Variants in SIPA1L3 observed in about 807,000 individuals in gnomAD.
SIPA1L3 encodes signal-induced proliferation-associated 1-like protein 3.
Under a neutral mutation model 150.1 loss-of-function variants are expected in SIPA1L3, and 59 were observed. That is an observed-to-expected ratio of 0.39 (90% CI 0.32 to 0.49). SIPA1L3 has a LOEUF of 0.49. SIPA1L3 is among the 20% of genes least tolerant of loss of function. The pLI, the probability that SIPA1L3 is intolerant of heterozygous loss-of-function variation, is 0.86. For missense variants in SIPA1L3, 2,211 were observed against 2,489.5 expected (o/e 0.89, Z 2.38); for synonymous variants, 1,070 against 1,077.6 (o/e 0.99, Z 0.14).
Position 38,182,587 on chromosome 19 carries a change from C to T in SIPA1L3, c.4277C>T (p.Pro1426Leu). The change falls in exon 16 of 22, where the codon CCC (proline) becomes CTC (leucine). Residue 1426 changes from proline to leucine, a missense_variant. By Grantham distance (98) the Pro-to-Leu change is moderately conservative (BLOSUM62 -3). This residue lies in a region of SIPA1L3 where 806 missense variants were observed against 870.1 expected (regional missense o/e 0.93). Transcript: ENST00000222345. ...ACTGCCAGTGCAGAGACTCCTCGGC[C>T]CTCCCAGCTGGCCCAGCCCAGCCCC... is the stretch of plus-strand genomic sequence containing the variant. ...YKTASAETPR[P>L]SQLAQPSPFQ... The T allele has an allele frequency of 6.8e-6, 11 of 1,614,196 alleles. No individual in the cohort carries two copies. Among genetic ancestry groups the T allele is most frequent in the Non-Finnish European group, 9.3e-6 (11 of 1,180,038 alleles).
At chr19:38,156,686 G>C (rs1204539359) in intron 13 of SIPA1L3, among the ~76,000 whole-genome samples, 2 of 152,160 alleles carry the variant, frequency 1.3e-5, no homozygotes, top group Non-Finnish European at 2.9e-5. Context: ...TTAGCTGGGT[G>C]TGGTGGCATG....
chr19:38,190,181 G>A (rs1315618716), intron 16 of SIPA1L3, among the ~76,000 whole-genome samples: 1 of 152,158 alleles, frequency 6.6e-6, no homozygotes, highest in African/African-American at 2.4e-5. Flanking sequence ...CTCGAGGGGA[G>A]CCTGTGGGCA....
intron 12 of SIPA1L3, among the ~76,000 whole-genome samples, chr19:38,143,128 C>G (rs141455819): frequency 6.6e-6 from 1 of 152,120 alleles, no homozygotes; most frequent in East Asian, 1.9e-4. Flanking sequence ...TCTCCCCAAA[C>G]CCTCCATGGC....
At chr19:37,990,108 G>A (rs1419241685) in intron 1 of SIPA1L3, among the ~76,000 whole-genome samples, 1 of 152,090 alleles carries the variant, frequency 6.6e-6, no homozygotes, top group Non-Finnish European at 1.5e-5. Context: ...AAATTCTGGA[G>A]TGGGGTCAGC....
intron 1 of SIPA1L3, among the ~76,000 whole-genome samples, chr19:38,007,931 A>C (rs1175731032): frequency 6.6e-6 from 1 of 152,036 alleles, no homozygotes; most frequent in Non-Finnish European, 1.5e-5. Flanking sequence ...TTTCTACACC[A>C]TCCTCCTTGG....
chr19:38,087,157 A>G (rs1970151935), intron 3 of SIPA1L3, among the ~76,000 whole-genome samples: 6 of 152,218 alleles, frequency 3.9e-5, no homozygotes, highest in Non-Finnish European at 5.9e-5. Flanking sequence ...TGGCCAAGCA[A>G]AGAATCTTTG....
Position 38,082,096 on chromosome 19 carries a change from C to T in SIPA1L3, c.531C>T (p.Ser177=), listed in dbSNP as rs1386219388. Residue 177 remains serine, a synonymous_variant, in exon 3 of 22, where the codon AGC becomes AGT. Transcript: ENST00000222345. Reference sequence around the variant, plus strand: ...GCAGCAGCAGCGAGATCACCCTCAGCGAGTGTGACGCGGAGGACGCGGGGG... The same window carrying T: ...GCAGCAGCAGCGAGATCACCCTCAGTGAGTGTGACGCGGAGGACGCGGGGG... ...RHRSSSEITL[S]ECDAEDAGEP... 1.9e-6 allele frequency: 3 copies of T among 1,610,388 alleles called. No individual in the cohort carries two copies. The highest frequency in any genetic ancestry group is 3.3e-5 in the Admixed American group (2 of 59,990).
intron 1 of SIPA1L3, 64 bp downstream of exon 1, chr19:37,907,422 G>A (rs1381410608): frequency 6.6e-6 from 1 of 152,244 alleles, no homozygotes; most frequent in Non-Finnish European, 1.5e-5. Context: ...TGGCTGCCCG[G>A]ACCCCGAGGG....
At chr19:38,061,306 C>T (rs995943171) in intron 2 of SIPA1L3, among the ~76,000 whole-genome samples, 5 of 151,070 alleles carry the variant, frequency 3.3e-5, no homozygotes, top group South Asian at 2.1e-4. Context: ...TCAAGTCATC[C>T]GCCTGCCTCG....
intron 1 of SIPA1L3, among the ~76,000 whole-genome samples, chr19:37,976,776 A>C (rs553673422): frequency 6.6e-6 from 1 of 152,282 alleles, no homozygotes; most frequent in South Asian, 2.1e-4. Flanking sequence ...TGTAGTGTAG[A>C]GTATGTGGCT....
intron 4 of SIPA1L3, 134 bp downstream of exon 4, chr19:38,088,985 A>C: frequency 2.2e-6 from 2 of 910,254 alleles, no homozygotes; most frequent in Non-Finnish European, 3.3e-6. Flanking sequence ...CAATCCTGTT[A>C]GTCTCTCCAT....
rs1475874290 is a variant in SIPA1L3 at position 37,952,042 on chromosome 19, G to A, written c.-379+44684G>A. ...GGGATTGGTTCAAGGAAGGGAGGAG[G>A]TGAGTCAGTCCAATCAGAATTAAGA... On this transcript the variant is annotated intron_variant, in intron 1 of 21. Coordinates refer to ENST00000222345, the MANE Select transcript of SIPA1L3 (RefSeq NM_015073.3). Among the ~76,000 whole-genome samples the A allele has an allele frequency of 2.0e-5, 3 of 152,126 alleles. No homozygotes were observed. In the East Asian group the frequency reaches 5.8e-4, roughly 29 times the overall value.
rs1599949891 is a variant in SIPA1L3, at chr19:38,046,370, T to C, written c.-311+17214T>C. Among the ~76,000 whole-genome samples the C allele has an allele frequency of 6.6e-6, 1 of 152,046 alleles. No homozygotes were observed. Among genetic ancestry groups the C allele is most frequent in the African/African-American group, 2.4e-5 (1 of 41,394 alleles). Reference sequence around the variant, plus strand: ...GCCAGCAGCCTGTCCCCCCTCCTCATTTCCCTATTTCTTTTGAGTGGCCAG... The same window carrying C: ...GCCAGCAGCCTGTCCCCCCTCCTCACTTCCCTATTTCTTTTGAGTGGCCAG... On this transcript the variant is annotated intron_variant, in intron 2 of 21. Transcript: ENST00000222345. This position sits in a 1 kb window ranked among gnomAD's most constrained non-coding sequence, Gnocchi z 5.6.
At chr19:37,909,008 A>ACATGCT (rs1227699996) in intron 1 of SIPA1L3, among the ~76,000 whole-genome samples, 1 of 151,982 alleles carries the variant, frequency 6.6e-6, no homozygotes, top group African/African-American at 2.4e-5. Flanking sequence ...TCCAACCTGA[A>ACATGCT]CTCCTTCTCC....
At chr19:38,119,961 C>T (rs1047740208) in intron 9 of SIPA1L3, 79 bp downstream of exon 9, 3 of 1,011,318 alleles carry the variant, frequency 3.0e-6, no homozygotes, top group Non-Finnish European at 4.3e-6. Flanking sequence ...TTCCCTAGCC[C>T]AGTCAGTTAG....
At chr19:37,948,670 G>A (rs1157112819) in intron 1 of SIPA1L3, among the ~76,000 whole-genome samples, 1 of 152,172 alleles carries the variant, frequency 6.6e-6, no homozygotes, top group African/African-American at 2.4e-5. Flanking sequence ...TTAGGGCTCA[G>A]GACAGGCACG....
chr19:38,116,845 C>T (rs190082329), intron 8 of SIPA1L3, among the ~76,000 whole-genome samples: 1 of 152,212 alleles, frequency 6.6e-6, no homozygotes, highest in East Asian at 1.9e-4. Flanking sequence ...CAGAGCGAGG[C>T]TCCATCTCAA....
chr19:37,947,316 C>T (rs1599828224), intron 1 of SIPA1L3, among the ~76,000 whole-genome samples: 2 of 151,892 alleles, frequency 1.3e-5, no homozygotes, highest in South Asian at 2.1e-4. Context: ...GGTGAAACTT[C>T]GTCTCTACTA....
intron 2 of SIPA1L3, among the ~76,000 whole-genome samples, chr19:38,070,096 C>A (rs1467098639): frequency 6.6e-6 from 1 of 152,106 alleles, no homozygotes; most frequent in Non-Finnish European, 1.5e-5. Context: ...CCCTGCTCAT[C>A]CACGGCAGGT....
Sources: gnomAD v4.1 joint callset for allele counts (sites outside exome capture counted in the v4.1 genomes callset) on GRCh38, gnomAD v4.1.1 for gene constraint, gnomAD v4.1.1 regional missense constraint, Gnocchi (gnomAD v3.1) non-coding constraint, MANE v1.5 for transcripts, NCBI Gene and HGNC (gene_info 2026-07-23, HGNC 2026-07-21) for gene names.